HUNK: variants seen among roughly 807,000 people sequenced by gnomAD.
HUNK encodes hormonally up-regulated Neu-associated kinase, also known as hormonally up-regulated neu tumor-associated kinase.
Under a neutral mutation model 61.0 loss-of-function variants are expected in HUNK, and 21 were observed. The ratio of observed to expected loss-of-function variants is 0.34; its 90% CI spans 0.24 to 0.50. The LOEUF is 0.50. Ranked by LOEUF, HUNK falls within the 20% of genes least tolerant of loss-of-function variation. HUNK has a pLI of 0.98. For missense variants in HUNK, 772 were observed against 945.7 expected (o/e 0.82, Z 2.41); for synonymous variants, 371 against 386.1 (o/e 0.96, Z 0.46).
intron 1 of HUNK, among the ~76,000 whole-genome samples, chr21:31,882,247 G>A (rs953182158): frequency 1.3e-5 from 2 of 152,150 alleles, no homozygotes; most frequent in African/African-American, 4.8e-5. Context: ...CCCTAGCTAT[G>A]CAACTTCTAA....
At chr21:31,969,973 G>A (rs994932571) in intron 6 of HUNK, among the ~76,000 whole-genome samples, 1 of 152,150 alleles carries the variant, frequency 6.6e-6, no homozygotes, top group African/African-American at 2.4e-5. Flanking sequence ...AGGAAACCAC[G>A]TGGGTTCAGT....
At chr21:31,898,104 G>T (rs780369166) in intron 1 of HUNK, among the ~76,000 whole-genome samples, 8 of 152,114 alleles carry the variant, frequency 5.3e-5, no homozygotes, top group Admixed American at 2.0e-4. Context: ...AAGACCCCCC[G>T]CTGGTCTGGC....
chr21:31,952,064 T>A (rs1054638836), intron 4 of HUNK, among the ~76,000 whole-genome samples: 1 of 151,506 alleles, frequency 6.6e-6, no homozygotes, highest in East Asian at 1.9e-4. Flanking sequence ...TAACATAGAG[T>A]AAAGGAAGGA....
At chr21:31,993,334 G>C (rs138981427) in intron 9 of HUNK, among the ~76,000 whole-genome samples, 5 of 152,286 alleles carry the variant, frequency 3.3e-5, no homozygotes, top group African/African-American at 1.2e-4. Flanking sequence ...AGGAGGGTTA[G>C]AAAGGAATGA....
At chr21:31,882,325 T>C (rs1487041705) in intron 1 of HUNK, among the ~76,000 whole-genome samples, 1 of 152,136 alleles carries the variant, frequency 6.6e-6, no homozygotes. Context: ...AGTTTTGGAA[T>C]TGGTAATACA....
intron 8 of HUNK, among the ~76,000 whole-genome samples, chr21:31,984,845 G>A (rs1404947448): frequency 6.6e-6 from 1 of 152,156 alleles, no homozygotes; most frequent in African/African-American, 2.4e-5. Context: ...CTATTAGTCT[G>A]TTCTCACGCT....
chr21:31,995,049 C>G (rs948044782), intron 9 of HUNK, among the ~76,000 whole-genome samples: 1 of 151,230 alleles, frequency 6.6e-6, no homozygotes, highest in Non-Finnish European at 1.5e-5. Context: ...GTCCCAGCTA[C>G]TCAGGAGGCT....
At chr21:31,945,932 A>G in intron 3 of HUNK, 104 bp from the exon 4 acceptor site, 2 of 1,130,146 alleles carry the variant, frequency 1.8e-6, no homozygotes, top group East Asian at 2.4e-5. Flanking sequence ...AGCCTGAGAG[A>G]ATGTTTCCTT....
At chr21:31,958,761 C>T (rs372059855) in intron 4 of HUNK, 82 bp from the exon 5 acceptor site, 58 of 1,343,684 alleles carry the variant, frequency 4.3e-5, no homozygotes, top group African/African-American at 2.2e-4. Context: ...GCAGCTCCCA[C>T]GCTTCGGTGA....
intron 1 of HUNK, among the ~76,000 whole-genome samples, chr21:31,894,053 AACT>A (rs2123794948): frequency 6.6e-6 from 1 of 152,266 alleles, no homozygotes; most frequent in African/African-American, 2.4e-5. Context: ...GTACCTTTTC[AACT>A]GCTTTTGGCT....
intron 4 of HUNK, among the ~76,000 whole-genome samples, chr21:31,954,783 CTTTTCT>C (rs1476837555): frequency 2.0e-5 from 3 of 148,920 alleles, no homozygotes; most frequent in African/African-American, 7.7e-5. Flanking sequence ...CTTTCTTTTT[CTTTTCT>C]TTTTTTTTAA....
chr21:31,991,913 C>T (rs373374902), intron 9 of HUNK, among the ~76,000 whole-genome samples: 24 of 152,302 alleles, frequency 1.6e-4, no homozygotes, highest in African/African-American at 2.6e-4. Flanking sequence ...GCTGTTCAGG[C>T]GATAAAGCAA....
chr21:31,936,481 C>T (rs2052734147), intron 2 of HUNK, among the ~76,000 whole-genome samples: 3 of 152,172 alleles, frequency 2.0e-5, no homozygotes, highest in Admixed American at 6.5e-5. Context: ...CATTAACTAG[C>T]CATGGAACCT....
At chr21:31,989,538 AC>A (rs1207419719) in intron 8 of HUNK, among the ~76,000 whole-genome samples, 2 of 151,542 alleles carry the variant, frequency 1.3e-5, no homozygotes, top group Admixed American at 6.6e-5. Context: ...ACATGGTGAA[AC>A]CCCGTCTCTA....
At chr21:31,968,642 A>T (rs923538313) in intron 6 of HUNK, among the ~76,000 whole-genome samples, 1 of 151,738 alleles carries the variant, frequency 6.6e-6, no homozygotes, top group Admixed American at 6.6e-5. Flanking sequence ...CCAGGCTTTG[A>T]GGGTCTGTAT....
chr21:31,899,269 A>T (rs1393599379), intron 1 of HUNK, among the ~76,000 whole-genome samples: 1 of 152,244 alleles, frequency 6.6e-6, no homozygotes, highest in African/African-American at 2.4e-5. Flanking sequence ...GGAGGCCAGA[A>T]GTATGAAATC....
intron 10 of HUNK, among the ~76,000 whole-genome samples, chr21:31,996,545 C>T (rs1043704503): frequency 3.9e-5 from 6 of 152,132 alleles, no homozygotes; most frequent in African/African-American, 1.2e-4. Flanking sequence ...TCCTCTGGGA[C>T]GAGTGCTAAA....
At chr21:31,996,655 A>T (rs1251406143) in intron 10 of HUNK, among the ~76,000 whole-genome samples, 1 of 152,210 alleles carries the variant, frequency 6.6e-6, no homozygotes, top group African/African-American at 2.4e-5. Context: ...AGAGCCATGA[A>T]GTAGAGGAGA....
intron 5 of HUNK, among the ~76,000 whole-genome samples, chr21:31,967,442 C>T (rs978517211): frequency 6.6e-5 from 10 of 152,102 alleles, no homozygotes; most frequent in African/African-American, 1.9e-4. Context: ...CAGTTGTTTC[C>T]GTTGTTATAA....
Sources: gnomAD v4.1 joint callset for allele counts (sites outside exome capture counted in the v4.1 genomes callset) on GRCh38, gnomAD v4.1.1 for gene constraint, MANE v1.5 for transcripts, NCBI Gene and HGNC (gene_info 2026-07-23, HGNC 2026-07-21) for gene names.